Variants in TRPS1 observed in about 807,000 individuals in gnomAD.
TRPS1 encodes transcriptional repressor GATA binding 1.
In TRPS1, 6 loss-of-function variants were observed where a neutral mutation model predicts 101.2. The ratio of observed to expected loss-of-function variants is 0.06; its 90% confidence interval spans 0.03 to 0.12. The LOEUF is 0.12. Among genes scored for constraint, TRPS1 ranks in the 10% least tolerant of loss-of-function variants. The pLI is 1.00. For synonymous variants in TRPS1, 578 were observed against 589.8 expected (o/e 0.98, Z 0.29); for missense variants, 1,363 against 1,567.0 (o/e 0.87, Z 2.20).
intron 5 of TRPS1, among the ~76,000 whole-genome samples, chr8:115,517,409 T>C (rs1815741629): frequency 6.6e-6 from 1 of 151,546 alleles, no homozygotes; most frequent in South Asian, 2.1e-4. Flanking sequence ...TGGGAACTTA[T>C]TCCTCATGCA....
intron 5 of TRPS1, among the ~76,000 whole-genome samples, chr8:115,505,033 T>C (rs906069433): frequency 1.3e-5 from 2 of 152,050 alleles, no homozygotes; most frequent in Admixed American, 6.6e-5. Flanking sequence ...TAAAAATATA[T>C]CACATCAAAC....
At chr8:115,575,025 C>T (rs1214584708) in intron 5 of TRPS1, among the ~76,000 whole-genome samples, 2 of 152,126 alleles carry the variant, frequency 1.3e-5, no homozygotes, top group South Asian at 2.1e-4. Flanking sequence ...AGTCTATATA[C>T]ATGATCTGGT....
chr8:115,533,241 CTT>C (rs1231206501), intron 5 of TRPS1, among the ~76,000 whole-genome samples: 1 of 152,052 alleles, frequency 6.6e-6, no homozygotes. Flanking sequence ...TCACCACACT[CTT>C]TGAGAAAACC....
intron 5 of TRPS1, among the ~76,000 whole-genome samples, chr8:115,576,277 T>A (rs1446412284): frequency 6.8e-6 from 1 of 146,582 alleles, no homozygotes; most frequent in Non-Finnish European, 1.5e-5. Context: ...AATTTGTAGT[T>A]CATATATATA....
At chr8:115,529,286 T>G (rs1346748224) in intron 5 of TRPS1, among the ~76,000 whole-genome samples, 2 of 152,070 alleles carry the variant, frequency 1.3e-5, no homozygotes, top group African/African-American at 4.8e-5. Flanking sequence ...ATGTAAAATC[T>G]AAGTGTAGAC....
At chr8:115,582,565 TTAAC>T (rs1373169386) in intron 5 of TRPS1, among the ~76,000 whole-genome samples, 1 of 152,146 alleles carries the variant, frequency 6.6e-6, no homozygotes, top group African/African-American at 2.4e-5. Flanking sequence ...CAAACGTTAA[TTAAC>T]TAAGCTGCAC....
At chr8:115,523,776 T>C (rs1815926294) in intron 5 of TRPS1, among the ~76,000 whole-genome samples, 1 of 152,150 alleles carries the variant, frequency 6.6e-6, no homozygotes, top group African/African-American at 2.4e-5. Context: ...AAGGCTTGGC[T>C]GTCAAAAGGA....
chr8:115,593,428 C>T lies in TRPS1; in HGVS notation c.2097-5824G>A, dbSNP rs975531515. Among the ~76,000 whole-genome samples, 16 of 152,092 alleles carry T rather than the reference C, an allele frequency of 1.1e-4. 1 individual carries two copies. The highest frequency in any genetic ancestry group is 9.2e-4 in the Admixed American group (14 of 15,258). On this transcript the variant is annotated intron_variant, in intron 4 of 6. Transcript: ENST00000395715. ...TTGAAGGCAAAATAGAATACTTTTG[C>T]TCTTGTCTATGGTTACTGTTTCACG... is the stretch of plus-strand genomic sequence containing the variant.
chr8:115,633,695 G>T (rs58392073), intron 1 of TRPS1, among the ~76,000 whole-genome samples: 10,737 of 152,126 alleles, frequency 0.071, 1,284 homozygotes, highest in African/African-American at 0.24. Context: ...CAATACTGTG[G>T]TTTTTTCAGA....
intron 5 of TRPS1, among the ~76,000 whole-genome samples, chr8:115,549,482 TCATA>T (rs1816653093): frequency 6.6e-6 from 1 of 152,166 alleles, no homozygotes; most frequent in Non-Finnish European, 1.5e-5. Context: ...AAGAATGTTC[TCATA>T]TATAGTCCAT....
intron 5 of TRPS1, among the ~76,000 whole-genome samples, chr8:115,473,592 G>C (rs1304795744): frequency 6.6e-6 from 1 of 152,070 alleles, no homozygotes; most frequent in African/African-American, 2.4e-5. Context: ...CAGAAGAGTA[G>C]GGAAGAAGAA....
intron 5 of TRPS1, among the ~76,000 whole-genome samples, chr8:115,443,227 G>A (rs1193134876): frequency 1.3e-5 from 2 of 152,186 alleles, no homozygotes; most frequent in African/African-American, 4.8e-5. Context: ...CTGACATCAT[G>A]CCACTGCACT....
chr8:115,652,650 A>G (rs1280925888), intron 1 of TRPS1, among the ~76,000 whole-genome samples: 1 of 152,234 alleles, frequency 6.6e-6, no homozygotes, highest in Non-Finnish European at 1.5e-5. Flanking sequence ...TCTCAGCTTC[A>G]TTAGCCATGT....
At chr8:115,467,474 C>A (rs1387769492) in intron 5 of TRPS1, among the ~76,000 whole-genome samples, 2 of 151,056 alleles carry the variant, frequency 1.3e-5, no homozygotes, top group East Asian at 1.9e-4. Context: ...GCCTTTTGTA[C>A]CCAAATAAAG....
chr8:115,473,675 C>T (rs1295695389), intron 5 of TRPS1, among the ~76,000 whole-genome samples: 1 of 152,152 alleles, frequency 6.6e-6, no homozygotes, highest in African/African-American at 2.4e-5. Context: ...GACCAAATGG[C>T]TTATGCTTAT....
intron 5 of TRPS1, among the ~76,000 whole-genome samples, chr8:115,533,504 T>C (rs1563581010): frequency 7.4e-6 from 1 of 135,928 alleles, no homozygotes; most frequent in Non-Finnish European, 1.5e-5. Flanking sequence ...ATTTCAAACA[T>C]GCAAACTCTC....
chr8:115,460,783 C>A (rs775348263), intron 5 of TRPS1, among the ~76,000 whole-genome samples: 1 of 152,128 alleles, frequency 6.6e-6, no homozygotes, highest in Admixed American at 6.5e-5. Flanking sequence ...CTTGCCAAAA[C>A]CTTTGTAGCA....
At chr8:115,573,573 T>C (rs1455548918) in intron 5 of TRPS1, among the ~76,000 whole-genome samples, 1 of 152,166 alleles carries the variant, frequency 6.6e-6, no homozygotes, top group African/African-American at 2.4e-5. Flanking sequence ...CTAATGAGTC[T>C]TCGTCACCTC....
At chr8:115,638,276 AGAGTTT>A (rs968254348) in intron 1 of TRPS1, among the ~76,000 whole-genome samples, 8 of 151,560 alleles carry the variant, frequency 5.3e-5, no homozygotes, top group African/African-American at 2.0e-4. Flanking sequence ...CCATCCAGAC[AGAGTTT>A]GTTTTTGAAG....
Sources: gnomAD v4.1 joint callset for allele counts (sites outside exome capture counted in the v4.1 genomes callset) on GRCh38, gnomAD v4.1.1 for gene constraint, MANE v1.5 for transcripts, NCBI Gene and HGNC (gene_info 2026-07-23, HGNC 2026-07-21) for gene names.